Variants in E2F3 observed in about 807,000 individuals in gnomAD.
The protein encoded by E2F3 is E2F transcription factor 3, also known as transcription factor E2F3.
Under a neutral mutation model 44.4 loss-of-function variants are expected in E2F3, and 11 were observed. The observed-to-expected ratio is 0.25, with a 90% CI of 0.16 to 0.41. The LOEUF is 0.41. Ranked by LOEUF, E2F3 falls within the 10% of genes least tolerant of loss-of-function variation. The pLI is 1.00. For missense variants in E2F3, 487 were observed against 583.6 expected, an observed-to-expected ratio of 0.83 and a Z score of 1.70; for synonymous variants, 249 against 253.0, an observed-to-expected ratio of 0.98 and a Z score of 0.15.
chr6:20,431,397 G>A lies in E2F3; in HGVS notation c.393+28772G>A, dbSNP rs145497122. 6.3e-3 allele frequency among the ~76,000 whole-genome samples: 963 copies of A among 152,280 alleles called. 12 individuals carry two copies. Among genetic ancestry groups the A allele is most frequent in the African/African-American group, 0.022 (917 of 41,556 alleles). The stretch of plus-strand genomic sequence containing the variant: ...CTCGCATCCCATGGCCCAGTGTCCC[G>A]TGAGCTGAGATTTGCCTTCTGCTGA... On this transcript the variant is annotated intron_variant, in intron 1 of 6. Transcript: ENST00000346618.
intron 1 of E2F3, among the ~76,000 whole-genome samples, chr6:20,404,182 A>C (rs976319536): frequency 3.3e-5 from 1 of 30,236 alleles, no homozygotes; most frequent in Non-Finnish European, 6.1e-5. Context: ...CTGGAGGGGG[A>C]GGGGGGTGGG....
chr6:20,458,726 T>C (rs1397987186), intron 1 of E2F3, among the ~76,000 whole-genome samples: 1 of 152,186 alleles, frequency 6.6e-6, no homozygotes, highest in African/African-American at 2.4e-5. Context: ...AGTGTTGCTT[T>C]TTTGTGTGGA....
Position 20,492,149 on chromosome 6 carries a change from G to GA in E2F3, c.*1731dup, listed in dbSNP as rs747112786. On this transcript the variant is annotated 3_prime_UTR_variant, in exon 7 of 7. Coordinates refer to ENST00000346618, the MANE Select transcript of E2F3 (RefSeq NM_001949.5). ...TAATTGAATTGAAAATATCCCTTAG[G>GA]AAAAAAAAAAAACACACAAAAAACC... The GA allele has an allele frequency of 0.1, 16,653 of 164,800 alleles. 118 individuals are homozygous for GA. The highest frequency in any genetic ancestry group is 0.23 in the Middle Eastern group (116 of 514). The allele number at this position is 164,800 out of a possible 1,614,324, so 10.2% of individuals were successfully genotyped here. A position where few individuals can be genotyped will look rare whatever the true frequency, so the allele number is the denominator to read the frequency against.
intron 1 of E2F3, among the ~76,000 whole-genome samples, chr6:20,426,749 G>A (rs185780435): frequency 9.9e-5 from 15 of 152,178 alleles, no homozygotes; most frequent in Non-Finnish European, 2.1e-4. Flanking sequence ...TGCCTGCTCT[G>A]TTAGCAGTTT....
chr6:20,437,319 C>T (rs923098384), intron 1 of E2F3, among the ~76,000 whole-genome samples: 2 of 152,008 alleles, frequency 1.3e-5, no homozygotes, highest in African/African-American at 4.8e-5. Flanking sequence ...TTTCTTGATC[C>T]GGGGCAAGGC....
At chr6:20,420,705 G>A (rs147389709) in intron 1 of E2F3, among the ~76,000 whole-genome samples, 115 of 152,256 alleles carry the variant, frequency 7.6e-4, no homozygotes, top group African/African-American at 2.5e-3. Context: ...AGCCTTCAGC[G>A]AGTCATCTTT....
intron 1 of E2F3, among the ~76,000 whole-genome samples, chr6:20,457,348 C>CTT (rs60238519): frequency 0.3 from 32,369 of 109,492 alleles, 6,114 homozygotes; most frequent in East Asian, 0.66. Flanking sequence ...CTTATTTTTT[C>CTT]TTTTTTTTTT....
chr6:20,449,261 C>T (rs1389197411), intron 1 of E2F3, among the ~76,000 whole-genome samples: 1 of 152,148 alleles, frequency 6.6e-6, no homozygotes, highest in Non-Finnish European at 1.5e-5. Context: ...GCAGCCTCTT[C>T]CCATCTACTC....
rs566306936 is a variant in E2F3 at position 20,441,089 on chromosome 6, A to G, written c.393+38464A>G. ...TAGCATTGGCTACATTTACAATGTT[A>G]TGCAAGCATCATCCATGTCCAGATT... On this transcript the variant is annotated intron_variant, in intron 1 of 6. Transcript: ENST00000346618. 2.6e-5 allele frequency among the ~76,000 whole-genome samples: 4 copies of G among 152,350 alleles called. No homozygotes were observed. The South Asian group carries it at 6.2e-4, about 24-fold the overall frequency.
At chr6:20,433,629 T>C (rs1199439354) in intron 1 of E2F3, among the ~76,000 whole-genome samples, 1 of 152,028 alleles carries the variant, frequency 6.6e-6, no homozygotes, top group African/African-American at 2.4e-5. Flanking sequence ...TGGATCTTTT[T>C]ATTTCACGCA....
Position 20,479,873 on chromosome 6 carries a change from A to G in E2F3, c.421A>G (p.Ser141Gly), listed in dbSNP as rs772050165. Residue 141 changes from serine to glycine, a missense_variant, in exon 2 of 7, where the codon AGC becomes GGC. Around this residue, in one of 3 missense-constraint regions of E2F3, gnomAD observed 238 missense variants for 236.0 expected, o/e 1.01. Coordinates refer to ENST00000346618, the MANE Select transcript of E2F3 (RefSeq NM_001949.5). ...PAKRRLELGESGHQYLSDGLK... is the reference protein window; with the variant it reads ...PAKRRLELGEGGHQYLSDGLK... The stretch of plus-strand genomic sequence containing the variant: ...AAAGCGAAGGCTGGAGCTAGGAGAA[A>G]GCGGTCATCAGTACCTCTCAGATGG... 2 of 1,612,746 alleles carry G rather than the reference A, an allele frequency of 1.2e-6. No homozygotes were observed. The highest frequency in any genetic ancestry group is 1.7e-6 in the Non-Finnish European group (2 of 1,179,392).
Position 20,413,457 on chromosome 6 carries a change from C to T in E2F3, c.393+10832C>T, listed in dbSNP as rs573200515. Among the ~76,000 whole-genome samples the T allele has an allele frequency of 1.5e-4, 23 of 152,330 alleles. No individual in the cohort carries two copies. The South Asian group carries it at 4.8e-3, about 32-fold the overall frequency. On this transcript the variant is annotated intron_variant, in intron 1 of 6. Coordinates refer to ENST00000346618, the MANE Select transcript of E2F3 (RefSeq NM_001949.5). ...TTTGGAAAGACCCCAGGGCCCCAAG[C>T]CTCATACCTGCTCTCGTGGTTCCAA...
intron 1 of E2F3, among the ~76,000 whole-genome samples, chr6:20,416,245 T>C (rs1759841764): frequency 6.6e-6 from 1 of 152,214 alleles, no homozygotes; most frequent in Non-Finnish European, 1.5e-5. Context: ...TTCCCTTTGT[T>C]GCTGGTGCTT....
At chr6:20,442,255 T>C (rs933915279) in intron 1 of E2F3, among the ~76,000 whole-genome samples, 3 of 152,190 alleles carry the variant, frequency 2.0e-5, no homozygotes, top group African/African-American at 7.2e-5. Context: ...CAGCGAAGTA[T>C]GCTCGCCCTG....
At chr6:20,446,085 G>A in intron 1 of E2F3, among the ~76,000 whole-genome samples, 1 of 152,226 alleles carries the variant, frequency 6.6e-6, no homozygotes, top group East Asian at 1.9e-4. Context: ...AACCCACGCG[G>A]ATGTGGGGAA....
Position 20,464,457 on chromosome 6 carries a change from T to C in E2F3, c.394-15389T>C, listed in dbSNP as rs1761635351. Among the ~76,000 whole-genome samples, 4 of 152,194 alleles carry C rather than the reference T, an allele frequency of 2.6e-5. No individual in the cohort carries two copies. In the South Asian group the frequency reaches 8.3e-4, roughly 31 times the overall value. Reference sequence around the variant, plus strand: ...GATAGAACTCTTCTGGGCACTGCCATCCCCATTACAGTGTTCCTGTGACAT... The same window carrying C: ...GATAGAACTCTTCTGGGCACTGCCACCCCCATTACAGTGTTCCTGTGACAT... On this transcript the variant is annotated intron_variant, in intron 1 of 6. Transcript: ENST00000346618.
At chr6:20,434,653 G>A (rs1268327568) in intron 1 of E2F3, among the ~76,000 whole-genome samples, 1 of 152,110 alleles carries the variant, frequency 6.6e-6, no homozygotes, top group East Asian at 1.9e-4. Context: ...GCCTTATTAA[G>A]TTTAACTGTT....
At chr6:20,424,993 G>A (rs1024722529) in intron 1 of E2F3, among the ~76,000 whole-genome samples, 16 of 152,294 alleles carry the variant, frequency 1.1e-4, no homozygotes, top group African/African-American at 3.1e-4. Flanking sequence ...TGTCTAGGGC[G>A]GGTTATCAGG....
intron 1 of E2F3, among the ~76,000 whole-genome samples, chr6:20,436,914 G>A (rs1472266689): frequency 3.3e-5 from 5 of 152,174 alleles, no homozygotes; most frequent in Admixed American, 3.3e-4. Context: ...GAAGCCAGGA[G>A]TTTGAAACCA....
Sources: gnomAD v4.1 joint callset for allele counts (sites outside exome capture counted in the v4.1 genomes callset) on GRCh38, gnomAD v4.1.1 for gene constraint, gnomAD v4.1.1 regional missense constraint, MANE v1.5 for transcripts, NCBI Gene and HGNC (gene_info 2026-07-23, HGNC 2026-07-21) for gene names.